Variants in EPB41L3 observed in about 807,000 individuals in gnomAD.
EPB41L3 encodes the protein band 4.1-like protein 3.
In EPB41L3, 57 loss-of-function variants were observed where a neutral mutation model predicts 127.1. The ratio of observed to expected loss-of-function variants is 0.45; its 90% confidence interval spans 0.36 to 0.56. The LOEUF (loss-of-function observed/expected upper bound fraction) is 0.56. Ranked by LOEUF, EPB41L3 falls within the 20% of genes least tolerant of loss-of-function variation. The probability of loss-of-function intolerance (pLI) is 0.00; values close to 1 mark genes in which losing one functional copy is unlikely to be tolerated. For missense variants in EPB41L3, 1,273 were observed against 1,372.2 expected (o/e 0.93, Z 1.14); for synonymous variants, 572 against 549.5 (o/e 1.04, Z -0.57).
intron 3 of EPB41L3, among the ~76,000 whole-genome samples, chr18:5,447,868 A>G (rs1189223575): frequency 1.3e-5 from 2 of 152,192 alleles, no homozygotes; most frequent in African/African-American, 4.8e-5. Context: ...CTTACTGAAT[A>G]TTTTAAACAT....
At chr18:5,578,070 C>T (rs1419756453) in intron 3 of EPB41L3, among the ~76,000 whole-genome samples, 1 of 152,166 alleles carries the variant, frequency 6.6e-6, no homozygotes, top group Non-Finnish European at 1.5e-5. Flanking sequence ...CCAGTTCCAA[C>T]CAAGCCAGTC....
At chr18:5,510,451 G>A (rs1298574585) in intron 1 of EPB41L3, among the ~76,000 whole-genome samples, 2 of 152,200 alleles carry the variant, frequency 1.3e-5, no homozygotes, top group Non-Finnish European at 2.9e-5. Context: ...AAACAAACGT[G>A]TAGGAGACTG....
intron 16 of EPB41L3, among the ~76,000 whole-genome samples, chr18:5,405,588 G>A (rs575894295): frequency 6.6e-6 from 1 of 152,106 alleles, no homozygotes; most frequent in South Asian, 2.1e-4. Context: ...TCAGGAGTTT[G>A]AGATCAGCCT....
At chr18:5,584,595 C>G (rs1001854559) in intron 3 of EPB41L3, among the ~76,000 whole-genome samples, 1 of 152,040 alleles carries the variant, frequency 6.6e-6, no homozygotes, top group Non-Finnish European at 1.5e-5. Flanking sequence ...TCCCCAAATT[C>G]TTTGTAGAAT....
In EPB41L3 at chr18:5,396,281, C is replaced by T. The variant is rs570185440; in HGVS notation, c.2893G>A (p.Gly965Arg). 5.0e-6 allele frequency: 8 copies of T among 1,614,120 alleles called. No individual in the cohort carries two copies. In the Admixed American group the frequency reaches 5.0e-5, roughly 10 times the overall value. Residue 965 changes from glycine (G) to arginine (R), a missense_variant, in exon 19 of 23, where the codon GGA (glycine) becomes AGA (arginine). Transcript: ENST00000341928. Reference sequence around the variant, plus strand: ...TTCGTGGAAATTTCTAGCTTTACTCCTCCCGGTGAAACACTGCCAAAACTG... The same window carrying T: ...TTCGTGGAAATTTCTAGCTTTACTCTTCCCGGTGAAACACTGCCAAAACTG... The part of the protein sequence containing the change: ...TISFGSVSPG[G>R]VKLEISTKEV...
Position 5,407,375 on chromosome 18 carries a change from A to G in EPB41L3, c.2157+326T>C, listed in dbSNP as rs539233945. ...TTCATGCATCACAATACGAGCCCAC[A>G]GGTATTACACTAAAAGAAAAACAAC... is the stretch of plus-strand genomic sequence containing the variant. On this transcript the variant is annotated intron_variant, in intron 15 of 22. Transcript: ENST00000341928. 7.5e-5 allele frequency: 31 copies of G among 410,928 alleles called. 1 individual carries two copies. The South Asian group carries it at 7.9e-4, about 10-fold the overall frequency. 25.5% of individuals were successfully genotyped at this position (410,928 alleles called of 1,614,324 possible).
chr18:5,547,393 TC>T (rs2093898563), upstream of EPB41L3, among the ~76,000 whole-genome samples: 1 of 152,190 alleles, frequency 6.6e-6, no homozygotes, highest in Admixed American at 6.5e-5. Context: ...AGAACTCAGT[TC>T]TTCAGATTCT....
rs867522138 is a variant in EPB41L3 at position 5,561,123 on chromosome 18, G to A, written c.-306+51217C>T. Reference sequence around the variant, plus strand: ...CTCCCGAGTAGCTGGGACTACAGGCGCCCGCCACTACGCCCGGCTAATGTC... The same window carrying A: ...CTCCCGAGTAGCTGGGACTACAGGCACCCGCCACTACGCCCGGCTAATGTC... On this transcript the variant is annotated intron_variant, in intron 3 of 21. Coordinates refer to the EPB41L3 transcript ENST00000545076. Among the ~76,000 whole-genome samples the A allele has an allele frequency of 1.9e-4, 29 of 149,110 alleles. 1 individual carries two copies. Among genetic ancestry groups the A allele is most frequent in the Non-Finnish European group, 3.3e-4 (22 of 66,956 alleles).
At chr18:5,488,567 AATG>A (rs200537517) in intron 2 of EPB41L3, among the ~76,000 whole-genome samples, 22 of 150,730 alleles carry the variant, frequency 1.5e-4, no homozygotes, top group East Asian at 3.9e-4. Flanking sequence ...GTATAATAAT[AATG>A]ATGATGATGA....
rs983801492 is a variant in EPB41L3 at position 5,482,581 on chromosome 18, A to G, written c.184-4143T>C. Among the ~76,000 whole-genome samples the G allele has an allele frequency of 4.6e-5, 7 of 152,320 alleles. No individual in the cohort carries two copies. In the South Asian group the frequency reaches 6.2e-4, roughly 14 times the overall value. On this transcript the variant is annotated intron_variant, in intron 2 of 22. Coordinates refer to ENST00000341928, the MANE Select transcript of EPB41L3 (RefSeq NM_012307.5). The stretch of plus-strand genomic sequence containing the variant: ...AATAAACTCTCAAAGCTCAAGAACA[A>G]AGACAGAACCCTAAAAGCAGCAAGA...
At chr18:5,479,419 G>C (rs536728234) in intron 2 of EPB41L3, among the ~76,000 whole-genome samples, 2 of 152,094 alleles carry the variant, frequency 1.3e-5, no homozygotes, top group East Asian at 3.9e-4. Flanking sequence ...TCAGGGGCTC[G>C]AAAAGTAAAA....
intron 3 of EPB41L3, among the ~76,000 whole-genome samples, chr18:5,568,551 TA>T (rs2094237966): frequency 1.3e-5 from 2 of 151,988 alleles, no homozygotes; most frequent in African/African-American, 4.8e-5. Context: ...GCCACATTGC[TA>T]GGGGCCCCAC....
chr18:5,433,435 A>C, intron 8 of EPB41L3, 34 bp downstream of exon 8: 1 of 1,457,700 alleles, frequency 6.9e-7, no homozygotes, highest in East Asian at 2.3e-5. Flanking sequence ...ACATAATATT[A>C]AATTGAAAGT....
At chr18:5,473,899 T>A (rs2055791854) in intron 3 of EPB41L3, among the ~76,000 whole-genome samples, 1 of 152,070 alleles carries the variant, frequency 6.6e-6, no homozygotes, top group South Asian at 2.1e-4. Context: ...TTTCTTATAT[T>A]TTAAATAATC....
intron 3 of EPB41L3, among the ~76,000 whole-genome samples, chr18:5,567,831 TTG>T (rs1174094406): frequency 6.6e-6 from 1 of 152,230 alleles, no homozygotes; most frequent in African/African-American, 2.4e-5. Context: ...TGTAATATGT[TTG>T]TGTCATTTAT....
intron 1 of EPB41L3, among the ~76,000 whole-genome samples, chr18:5,530,178 T>C (rs1214790892): frequency 6.6e-6 from 1 of 152,146 alleles, no homozygotes; most frequent in African/African-American, 2.4e-5. Flanking sequence ...AAAGTACTTA[T>C]ATTTGGGGTT....
Position 5,578,030 on chromosome 18 carries a change from T to C in EPB41L3, c.-306+34310A>G, listed in dbSNP as rs1023881150. On this transcript the variant is annotated intron_variant, in intron 3 of 21. Transcript: ENST00000545076. ...AGTAGGACTACACTGGCCACACCGA[T>C]AAGCAGCAATCTGTACTAAGCAAAG... 5.9e-5 allele frequency among the ~76,000 whole-genome samples: 9 copies of C among 151,660 alleles called. No homozygotes were observed. The South Asian group carries it at 6.2e-4, about 11-fold the overall frequency.
chr18:5,454,012 A>G (rs1348977113), intron 3 of EPB41L3, among the ~76,000 whole-genome samples: 1 of 151,952 alleles, frequency 6.6e-6, no homozygotes, highest in African/African-American at 2.4e-5. Flanking sequence ...CTGCACTACC[A>G]TTTACCTCAA....
chr18:5,473,668 A>G (rs1177176250), intron 3 of EPB41L3, among the ~76,000 whole-genome samples: 1 of 152,110 alleles, frequency 6.6e-6, no homozygotes, highest in Non-Finnish European at 1.5e-5. Context: ...TGTTACCTCC[A>G]TTGCATGGAA....
Sources: allele counts gnomAD v4.1 joint callset (sites outside exome capture counted in the v4.1 genomes callset), GRCh38; gene constraint gnomAD v4.1.1; transcripts MANE v1.5; gene names NCBI Gene and HGNC (gene_info 2026-07-23, HGNC 2026-07-21).